The following FAM133B variants were observed in gnomAD, a reference collection of about 807,000 sequenced individuals.
The protein encoded by FAM133B is family with sequence similarity 133 member B.
A neutral mutation model predicts 46.4 loss-of-function variants in FAM133B; 25 were observed. The observed-to-expected ratio is 0.54, with a 90% confidence interval of 0.39 to 0.75. FAM133B has a LOEUF of 0.75. Ranked by LOEUF, FAM133B falls within the 30% of genes least tolerant of loss-of-function variation. The probability of loss-of-function intolerance (pLI) is 0.00; values close to 1 mark genes in which losing one functional copy is unlikely to be tolerated. For synonymous variants in FAM133B, 75 were observed against 86.0 expected, an observed-to-expected ratio of 0.87 and a Z score of 0.71; for missense variants, 205 against 277.6, an observed-to-expected ratio of 0.74 and a Z score of 1.86.
At position 92,562,426 on chromosome 7, in the gene FAM133B, T is replaced by C. The variant is rs1370859275; in HGVS notation, c.658-58A>G. The C allele has an allele frequency of 3.3e-6, 5 of 1,504,350 alleles. No individual in the cohort carries two copies. In the African/African-American group the frequency reaches 5.6e-5, roughly 17 times the overall value. The allele number at this position is 1,504,350 out of a possible 1,614,324, so 93.2% of individuals were successfully genotyped here. ...TATAAAAATACGCAAATTAAAAGCATCTTTACCATGCTTCTAAGCTACCAC... is the reference window on the plus strand; with the variant it reads ...TATAAAAATACGCAAATTAAAAGCACCTTTACCATGCTTCTAAGCTACCAC... On this transcript the variant is annotated intron_variant, in intron 10 of 10. Coordinates refer to ENST00000445716, the MANE Select transcript of FAM133B (RefSeq NM_152789.4).
At chr7:92,568,381 G>C (rs535638997) in intron 9 of FAM133B, among the ~76,000 whole-genome samples, 1 of 152,114 alleles carries the variant, frequency 6.6e-6, no homozygotes, top group African/African-American at 2.4e-5. Flanking sequence ...GATTGAGATG[G>C]AGTTTCACTC....
intron 1 of FAM133B, among the ~76,000 whole-genome samples, chr7:92,582,078 G>T (rs1794894267): frequency 6.6e-6 from 1 of 151,934 alleles, no homozygotes; most frequent in Non-Finnish European, 1.5e-5. Flanking sequence ...GTGAAACCCT[G>T]CCTCTACTAA....
chr7:92,568,459 G>C (rs1013931453), intron 9 of FAM133B, among the ~76,000 whole-genome samples: 4 of 151,654 alleles, frequency 2.6e-5, no homozygotes, highest in Non-Finnish European at 5.9e-5. Flanking sequence ...CCGGGTTCAA[G>C]TGATTCTCCT....
chr7:92,565,448 C>CTATATAT (rs1214045570), intron 10 of FAM133B: 1 of 150,854 alleles, frequency 6.6e-6, no homozygotes, highest in Non-Finnish European at 1.5e-5. Flanking sequence ...GCCACTGTGC[C>CTATATAT]CCACCTGAGC....
chr7:92,569,497 G>A (rs1794465386), intron 9 of FAM133B: 1 of 163,788 alleles, frequency 6.1e-6, no homozygotes, highest in African/African-American at 2.4e-5. Flanking sequence ...CAATGTAAGA[G>A]AATGTTTGGT....
Position 92,585,423 on chromosome 7 carries a change from A to G in FAM133B, c.25-3820T>C, listed in dbSNP as rs899321627. ...TAATGGCAAAATATTTCAGGTTAGA[A>G]TTGTAAAAACTGTTTATTTCCAAAG... On this transcript the variant is annotated intron_variant, in intron 1 of 10. Coordinates refer to ENST00000445716, the MANE Select transcript of FAM133B (RefSeq NM_152789.4). The G allele has an allele frequency of 5.3e-6, 5 of 941,216 alleles. No homozygotes were observed. In the South Asian group the frequency reaches 2.5e-4, roughly 46 times the overall value. The allele number at this position is 941,216 out of a possible 1,614,324, so 58.3% of individuals were successfully genotyped here.
intron 1 of FAM133B, among the ~76,000 whole-genome samples, chr7:92,584,857 C>T (rs1794995094): frequency 6.6e-6 from 1 of 152,040 alleles, no homozygotes; most frequent in African/African-American, 2.4e-5. Flanking sequence ...AAAGCGTCCT[C>T]CTACTTGGGT....
chr7:92,589,364 T>C (rs1795124238), intron 1 of FAM133B, among the ~76,000 whole-genome samples: 1 of 152,368 alleles, frequency 6.6e-6, no homozygotes, highest in East Asian at 1.9e-4. Context: ...TTCTTTTGAA[T>C]GCCTTTAGAA....
At position 92,590,342 on chromosome 7, in the gene FAM133B, G is replaced by C. The variant is rs1043027363; in HGVS notation, c.-51C>G. 27 of 1,611,274 alleles carry C rather than the reference G, an allele frequency of 1.7e-5. No homozygotes were observed. The highest frequency in any genetic ancestry group is 2.0e-5 in the Non-Finnish European group (23 of 1,179,114). On this transcript the variant is annotated 5_prime_UTR_variant, in exon 1 of 11. Coordinates refer to ENST00000445716, the MANE Select transcript of FAM133B (RefSeq NM_152789.4). ...ACGCCGAGGGAAACCGGGCCGGAGA[G>C]ACTGCCGAAGAGGGCCTGCCGCAGG...
chr7:92,589,850 G>A (rs1018702648), intron 1 of FAM133B: 47 of 178,078 alleles, frequency 2.6e-4, no homozygotes, highest in African/African-American at 1.1e-3. Context: ...CGCAGGAGAG[G>A]GGTGCGGACC....
chr7:92,588,612 T>C (rs1795100629), intron 1 of FAM133B, among the ~76,000 whole-genome samples: 1 of 152,208 alleles, frequency 6.6e-6, no homozygotes, highest in African/African-American at 2.4e-5. Context: ...GTTTTTAAGA[T>C]GGTGAAATGG....
rs761133481 is a variant in FAM133B, at chr7:92,580,708, G to C, written c.122+798C>G. On this transcript the variant is annotated intron_variant, in intron 2 of 10. Transcript: ENST00000445716. Reference sequence around the variant, plus strand: ...CTGAAACTCCAGTGAGTCCCTACGAGTTACTCAACCTGAGGGCTGTCTTGA... The same window carrying C: ...CTGAAACTCCAGTGAGTCCCTACGACTTACTCAACCTGAGGGCTGTCTTGA... Among the ~76,000 whole-genome samples the C allele has an allele frequency of 3.3e-5, 5 of 152,144 alleles. No homozygotes were observed. The South Asian group carries it at 1.0e-3, about 31-fold the overall frequency.
rs1794607476 is a variant in FAM133B at position 92,573,743 on chromosome 7, C to T, written c.516+2028G>A. Among the ~76,000 whole-genome samples, 3 of 151,824 alleles carry T rather than the reference C, an allele frequency of 2.0e-5. No individual in the cohort carries two copies. The South Asian group carries it at 6.2e-4, about 31-fold the overall frequency. ...AATTAATGCTGAATTATATCACATC[C>T]TTCTGACAACTACTGAAATAATCAT... On this transcript the variant is annotated intron_variant, in intron 8 of 10. Transcript: ENST00000445716.
intron 6 of FAM133B, 59 bp downstream of exon 6, chr7:92,577,596 A>G: frequency 7.2e-7 from 1 of 1,391,242 alleles, no homozygotes; most frequent in South Asian, 1.4e-5. Flanking sequence ...ATGGGTTTCC[A>G]CTTGACATTA....
chr7:92,566,021 T>C lies in FAM133B; in HGVS notation c.650A>G (p.Lys217Arg). The C allele has an allele frequency of 6.2e-7, 1 of 1,613,878 alleles. No homozygotes were observed. ...KKKKSSEERE[K>R]ATEKTKKKKK... ...ACGTTAAGAGATACTTGCTGTTGCT[T>C]TTTCTCGTTCTTCACTGCTTTTCTT... Residue 217 changes from lysine to arginine, a missense_variant, in exon 10 of 11, where the codon AAA becomes AGA. By Grantham distance (26) the Lys-to-Arg change is conservative. Transcript: ENST00000445716.
At chr7:92,587,287 A>G (rs1348950127) in intron 1 of FAM133B, among the ~76,000 whole-genome samples, 2 of 152,246 alleles carry the variant, frequency 1.3e-5, no homozygotes, top group Admixed American at 6.5e-5. Context: ...AAAAATGCCA[A>G]TATTTTCACA....
At chr7:92,585,348 T>A (rs1795009589) in intron 1 of FAM133B, 1 of 984,364 alleles carries the variant, frequency 1.0e-6, no homozygotes, top group African/African-American at 1.7e-5. Context: ...TTCAACAATA[T>A]TGATCACATT....
chr7:92,586,325 A>G (rs1795036847), intron 1 of FAM133B, among the ~76,000 whole-genome samples: 1 of 152,238 alleles, frequency 6.6e-6, no homozygotes, highest in African/African-American at 2.4e-5. Context: ...AACACTTGAT[A>G]GTCTGCTCTT....
chr7:92,576,731 C>G (rs1794709209), intron 7 of FAM133B, among the ~76,000 whole-genome samples: 1 of 152,156 alleles, frequency 6.6e-6, no homozygotes, highest in Non-Finnish European at 1.5e-5. Flanking sequence ...TAGTACAGAA[C>G]AAATTTAGGT....
Sources: gnomAD v4.1 joint callset for allele counts (sites outside exome capture counted in the v4.1 genomes callset) on GRCh38, gnomAD v4.1.1 for gene constraint, MANE v1.5 for transcripts, NCBI Gene and HGNC (gene_info 2026-07-23, HGNC 2026-07-21) for gene names.